DPY19L4: variants seen among roughly 807,000 people sequenced by gnomAD.
DPY19L4 encodes the protein dpy-19 like 4, also known as probable C-mannosyltransferase DPY19L4.
DPY19L4 carries 97 observed loss-of-function variants against 102.8 expected under a neutral mutation model. That is an observed-to-expected ratio of 0.94 (90% CI 0.80 to 1.12). DPY19L4 has a LOEUF of 1.12. DPY19L4 is among the 50% of genes most tolerant of loss of function. The probability of loss-of-function intolerance (pLI) is 0.00; values close to 1 mark genes in which losing one functional copy is unlikely to be tolerated. For synonymous variants in DPY19L4, 252 were observed against 283.1 expected (o/e 0.89, Z 1.10); for missense variants, 815 against 850.4 (o/e 0.96, Z 0.52).
chr8:94,729,282 G>A (rs1810828705), intron 2 of DPY19L4, among the ~76,000 whole-genome samples: 1 of 152,114 alleles, frequency 6.6e-6, no homozygotes, highest in African/African-American at 2.4e-5. Flanking sequence ...TGAGACAGGA[G>A]AATCGCTTGA....
chr8:94,731,596 G>T (rs542605477), intron 2 of DPY19L4, among the ~76,000 whole-genome samples: 1 of 151,970 alleles, frequency 6.6e-6, no homozygotes, highest in South Asian at 2.1e-4. Flanking sequence ...TGTATTTTTA[G>T]TAGAGATGGG....
chr8:94,770,921 C>CT lies in DPY19L4; in HGVS notation c.1454+366dup, dbSNP rs371611032. On this transcript the variant is annotated intron_variant, in intron 13 of 18. Transcript: ENST00000414645. ...AAGTCAGAAAACCCACAAAGATTGT[C>CT]TTTTTTTTTTTTTTTTAGAATCTCG... 1.4e-3 allele frequency among the ~76,000 whole-genome samples: 197 copies of CT among 139,232 alleles called. 1 individual carries two copies. Among genetic ancestry groups the CT allele is most frequent in the South Asian group, 5.3e-3 (23 of 4,342 alleles). 91.3% of individuals were successfully genotyped at this position (139,232 alleles called of 152,430 possible).
intron 11 of DPY19L4, among the ~76,000 whole-genome samples, chr8:94,767,131 G>A (rs956890952): frequency 6.7e-6 from 1 of 149,996 alleles, no homozygotes; most frequent in Non-Finnish European, 1.5e-5. Context: ...TTAACATTTT[G>A]TTCTAAACCC....
chr8:94,754,146 T>C (rs1398323804), intron 6 of DPY19L4, among the ~76,000 whole-genome samples: 1 of 152,198 alleles, frequency 6.6e-6, no homozygotes, highest in Admixed American at 6.5e-5. Flanking sequence ...ATCGTGTCAC[T>C]GTACTCCAGC....
intron 17 of DPY19L4, among the ~76,000 whole-genome samples, chr8:94,787,350 G>T (rs943798244): frequency 3.3e-5 from 5 of 152,126 alleles, no homozygotes; most frequent in African/African-American, 1.2e-4. Context: ...TGATGTATTG[G>T]CATTCTGTGT....
At chr8:94,722,009 T>C (rs1167991050) in intron 1 of DPY19L4, among the ~76,000 whole-genome samples, 2 of 152,222 alleles carry the variant, frequency 1.3e-5, no homozygotes, top group African/African-American at 4.8e-5. Context: ...CTCAGGAGGC[T>C]GAGATAGGAG....
At chr8:94,722,654 C>A (rs1810517916) in intron 1 of DPY19L4, among the ~76,000 whole-genome samples, 2 of 152,170 alleles carry the variant, frequency 1.3e-5, no homozygotes, top group African/African-American at 4.8e-5. Flanking sequence ...ATACATATAG[C>A]AAACCTGTCT....
chr8:94,749,000 G>A (rs1227337330), intron 6 of DPY19L4, among the ~76,000 whole-genome samples: 2 of 152,162 alleles, frequency 1.3e-5, no homozygotes, highest in Non-Finnish European at 2.9e-5. Context: ...CACAATCATG[G>A]CAGAAGGTGA....
intron 2 of DPY19L4, among the ~76,000 whole-genome samples, chr8:94,727,073 C>T (rs1295229418): frequency 6.6e-6 from 1 of 152,120 alleles, no homozygotes; most frequent in East Asian, 1.9e-4. Flanking sequence ...TACATCAGGG[C>T]CAGCTATGAC....
intron 11 of DPY19L4, 117 bp downstream of exon 11, chr8:94,766,802 C>T (rs1342598953): frequency 6.7e-6 from 6 of 895,968 alleles, no homozygotes; most frequent in Admixed American, 5.0e-5. Flanking sequence ...CTTTAGGAGG[C>T]CGAGGTGGGT....
At chr8:94,774,039 T>TAAAA (rs79751438) in intron 13 of DPY19L4, among the ~76,000 whole-genome samples, 4 of 102,788 alleles carry the variant, frequency 3.9e-5, no homozygotes, top group South Asian at 3.6e-4. Flanking sequence ...TGTCTTTAGT[T>TAAAA]AAAAAAAAAA....
At chr8:94,763,222 C>T (rs1038862222) in intron 8 of DPY19L4, among the ~76,000 whole-genome samples, 1 of 148,452 alleles carries the variant, frequency 6.7e-6, no homozygotes, top group East Asian at 2.0e-4. Flanking sequence ...TTTGGAATTA[C>T]AGGTGTGAGC....
intron 6 of DPY19L4, 49 bp downstream of exon 6, chr8:94,739,839 TAGTC>T: frequency 4.4e-6 from 7 of 1,594,718 alleles, no homozygotes; most frequent in Middle Eastern, 2.3e-4. Flanking sequence ...GTGGCTGTAG[TAGTC>T]AGAGTTCTGA....
chr8:94,787,185 G>T lies in DPY19L4; in HGVS notation c.1849-709G>T, dbSNP rs115432525. On this transcript the variant is annotated intron_variant, in intron 17 of 18. Transcript: ENST00000414645. ...ATGTTGTTACAATCGCATAGAAGTGGTTTTTTTTTAATGCCCCAATAGTAT... is the reference window on the plus strand; with the variant it reads ...ATGTTGTTACAATCGCATAGAAGTGTTTTTTTTTTAATGCCCCAATAGTAT... Among the ~76,000 whole-genome samples the T allele has an allele frequency of 7.0e-3, 1,051 of 150,838 alleles. 12 individuals are homozygous for T. The highest frequency in any genetic ancestry group is 0.024 in the African/African-American group (1,000 of 41,204).
chr8:94,783,626 T>TG, intron 16 of DPY19L4, 44 bp from the exon 17 acceptor site: 2 of 1,603,674 alleles, frequency 1.2e-6, no homozygotes, highest in Non-Finnish European at 1.7e-6. Flanking sequence ...ATCTAAATAG[T>TG]ATACTTGCCT....
In DPY19L4 at chr8:94,765,813, A is replaced by C; in HGVS notation, c.1101+4A>C. The C allele has an allele frequency of 6.6e-7, 1 of 1,506,254 alleles. No individual in the cohort carries two copies. The highest frequency in any genetic ancestry group is 9.1e-7 in the Non-Finnish European group (1 of 1,096,370). 93.3% of individuals were successfully genotyped at this position (1,506,254 alleles called of 1,614,324 possible). ...AACATTGAATATTATAATGAAGGTAAGTAACTCTCTGGGATTCATATAGTA... is the reference window on the plus strand; with the variant it reads ...AACATTGAATATTATAATGAAGGTACGTAACTCTCTGGGATTCATATAGTA... On this transcript the variant is annotated splice_donor_region_variant and intron_variant, in intron 10 of 18. Coordinates refer to ENST00000414645, the MANE Select transcript of DPY19L4 (RefSeq NM_181787.3).
Position 94,738,443 on chromosome 8 carries a change from A to C in DPY19L4, c.327A>C (p.Ala109=). 6.5e-7 allele frequency: 1 copy of C among 1,547,632 alleles called. No homozygotes were observed. The highest frequency in any genetic ancestry group is 8.7e-7 in the Non-Finnish European group (1 of 1,148,484). The part of the protein sequence containing the change: ...YYSYYKDMLK[A]PSFERGVYEL... ...CCTATTATAAAGATATGTTAAAGGC[A>C]CCTTCATTTGAAAGAGGTATGATAA... The change falls in exon 4 of 19, where the codon GCA becomes GCC. Residue 109 remains alanine, a synonymous_variant. Coordinates refer to ENST00000414645, the MANE Select transcript of DPY19L4 (RefSeq NM_181787.3).
chr8:94,738,110 A>G (rs1242716917), intron 3 of DPY19L4, among the ~76,000 whole-genome samples: 2 of 151,944 alleles, frequency 1.3e-5, no homozygotes, highest in African/African-American at 4.8e-5. Context: ...TGAGGTCAGG[A>G]GATCGAAACC....
intron 16 of DPY19L4, among the ~76,000 whole-genome samples, chr8:94,782,424 A>G (rs146815326): frequency 2.0e-5 from 3 of 152,190 alleles, no homozygotes; most frequent in African/African-American, 4.8e-5. Context: ...CTATTGTCCT[A>G]TTGGCCAAAG....
Sources: allele counts gnomAD v4.1 joint callset (sites outside exome capture counted in the v4.1 genomes callset), GRCh38; gene constraint gnomAD v4.1.1; transcripts MANE v1.5; gene names NCBI Gene and HGNC (gene_info 2026-07-23, HGNC 2026-07-21).